The following TEC variants were observed in gnomAD, a reference collection of about 807,000 sequenced individuals.
TEC encodes the protein tec protein tyrosine kinase.
TEC carries 72 observed loss-of-function variants against 93.0 expected under a neutral mutation model. The observed-to-expected ratio is 0.77, with a 90% confidence interval of 0.64 to 0.94. The LOEUF (loss-of-function observed/expected upper bound fraction) is 0.94. TEC is among the 40% of genes least tolerant of loss of function. The probability of loss-of-function intolerance (pLI) is 0.00; values close to 1 mark genes in which losing one functional copy is unlikely to be tolerated. For missense variants in TEC, 630 were observed against 757.9 expected, an observed-to-expected ratio of 0.83 and a Z score of 1.98; for synonymous variants, 249 against 247.7, an observed-to-expected ratio of 1.01 and a Z score of -0.05.
At chr4:48,216,553 T>C (rs890634369) in intron 2 of TEC, among the ~76,000 whole-genome samples, 7 of 151,996 alleles carry the variant, frequency 4.6e-5, no homozygotes, top group African/African-American at 1.7e-4. Flanking sequence ...ATTAAGACAA[T>C]TTTTTTTCAA....
intron 1 of TEC, among the ~76,000 whole-genome samples, chr4:48,266,793 G>A (rs1054401909): frequency 1.3e-5 from 2 of 151,448 alleles, no homozygotes; most frequent in Admixed American, 6.6e-5. Flanking sequence ...AGCCAAGATC[G>A]TGCCATTGCA....
rs553849037 is a variant in TEC at position 48,237,181 on chromosome 4, G to A, written c.-45-8522C>T. Among the ~76,000 whole-genome samples the A allele has an allele frequency of 8.5e-5, 13 of 152,078 alleles. No homozygotes were observed. The South Asian group carries it at 1.2e-3, about 15-fold the overall frequency. ...CCCTATCTCTACTGAAAATACAGTC[G>A]TGTTGGCATGCACCTATAGTCCCAG... On this transcript the variant is annotated intron_variant, in intron 1 of 17. Coordinates refer to ENST00000381501, the MANE Select transcript of TEC (RefSeq NM_003215.3).
At chr4:48,201,987 C>T (rs1209741129) in intron 2 of TEC, among the ~76,000 whole-genome samples, 3 of 131,312 alleles carry the variant, frequency 2.3e-5, no homozygotes, top group South Asian at 2.5e-4. Flanking sequence ...GACAGAGTCT[C>T]GCTCTGTCGC....
At chr4:48,173,716 C>T (rs1721208381) in intron 3 of TEC, among the ~76,000 whole-genome samples, 1 of 152,210 alleles carries the variant, frequency 6.6e-6, no homozygotes, top group Admixed American at 6.5e-5. Flanking sequence ...TCATTTATTC[C>T]ATAGACTTAA....
At chr4:48,147,079 T>C (rs1447120612) in intron 11 of TEC, among the ~76,000 whole-genome samples, 2 of 152,124 alleles carry the variant, frequency 1.3e-5, no homozygotes, top group Admixed American at 1.3e-4. Flanking sequence ...AGTAGGCACT[T>C]GATATATGTT....
At chr4:48,224,741 TTCTCGTTA>T (rs1235345732) in intron 2 of TEC, among the ~76,000 whole-genome samples, 1 of 152,212 alleles carries the variant, frequency 6.6e-6, no homozygotes, top group African/African-American at 2.4e-5. Context: ...TTGAGTGAAT[TTCTCGTTA>T]TCTAGAATAG....
intron 5 of TEC, among the ~76,000 whole-genome samples, chr4:48,169,332 C>T (rs775117319): frequency 5.3e-5 from 8 of 151,942 alleles, no homozygotes; most frequent in Admixed American, 2.6e-4. Flanking sequence ...TCCCTTTTTA[C>T]AGCAGGTCAG....
chr4:48,260,365 C>T (rs547530734), intron 1 of TEC, among the ~76,000 whole-genome samples: 1 of 152,290 alleles, frequency 6.6e-6, no homozygotes, highest in Admixed American at 6.5e-5. Flanking sequence ...GGGAGAATCA[C>T]TTGAGGCCAG....
chr4:48,205,253 G>A (rs1722665062), intron 2 of TEC, among the ~76,000 whole-genome samples: 1 of 152,180 alleles, frequency 6.6e-6, no homozygotes. Flanking sequence ...CATAATAGCA[G>A]GCAGCCTCAG....
chr4:48,258,307 A>G (rs1345118593), intron 1 of TEC, among the ~76,000 whole-genome samples: 1 of 151,916 alleles, frequency 6.6e-6, no homozygotes, highest in African/African-American at 2.4e-5. Flanking sequence ...ACACCTGGCT[A>G]ATTTTTGTAT....
At chr4:48,253,198 C>A (rs10006371) in intron 1 of TEC, among the ~76,000 whole-genome samples, 137,856 of 152,222 alleles carry the variant, frequency 0.91, 64,038 homozygotes, top group East Asian at 1. Context: ...TTTTATTCAT[C>A]AGGCAGTAAA....
intron 1 of TEC, among the ~76,000 whole-genome samples, chr4:48,263,834 G>C: frequency 6.6e-6 from 1 of 152,178 alleles, no homozygotes; most frequent in East Asian, 1.9e-4. Context: ...TGTACACTTA[G>C]AGTTGTATAT....
At chr4:48,266,780 G>A (rs573534271) in intron 1 of TEC, among the ~76,000 whole-genome samples, 59 of 151,872 alleles carry the variant, frequency 3.9e-4, no homozygotes, top group Non-Finnish European at 7.9e-4. Flanking sequence ...AGAGGTTGTG[G>A]TGAGCCAAGA....
At chr4:48,252,331 A>G (rs1057110100) in intron 1 of TEC, among the ~76,000 whole-genome samples, 7 of 152,194 alleles carry the variant, frequency 4.6e-5, no homozygotes, top group Non-Finnish European at 8.8e-5. Context: ...CAATCCTGCT[A>G]TTGTTGATTA....
Position 48,138,770 on chromosome 4 carries a change from G to A in TEC, c.1707C>T (p.Tyr569=). 3 of 1,614,110 alleles carry A rather than the reference G, an allele frequency of 1.9e-6. No individual in the cohort carries two copies. Among genetic ancestry groups the A allele is most frequent in the Middle Eastern group, 1.7e-4 (1 of 6,060 alleles). Residue 569 remains tyrosine, a synonymous_variant, in exon 17 of 18, where the codon TAC becomes TAT. Coordinates refer to ENST00000381501, the MANE Select transcript of TEC (RefSeq NM_003215.3). ...FTEGRMPFEK[Y]TNYEVVTMVT... is the part of the protein sequence containing the mutation. ...CCATGGTTACCACTTCATAATTGGTGTATTTTTCAAAAGGCATTCTGCCTT... is the reference window on the plus strand; with the variant it reads ...CCATGGTTACCACTTCATAATTGGTATATTTTTCAAAAGGCATTCTGCCTT...
chr4:48,178,045 C>A (rs1254517674), intron 2 of TEC, among the ~76,000 whole-genome samples: 1 of 152,134 alleles, frequency 6.6e-6, no homozygotes, highest in South Asian at 2.1e-4. Context: ...TGGACTAATA[C>A]AACAGTTTTG....
At chr4:48,190,409 A>G (rs1032164828) in intron 2 of TEC, among the ~76,000 whole-genome samples, 2 of 152,184 alleles carry the variant, frequency 1.3e-5, no homozygotes, top group African/African-American at 4.8e-5. Context: ...GTTCACTTGG[A>G]ATTTTACTGA....
chr4:48,163,254 T>C (rs1282466113), intron 8 of TEC, among the ~76,000 whole-genome samples: 1 of 152,146 alleles, frequency 6.6e-6, no homozygotes, highest in Non-Finnish European at 1.5e-5. Context: ...TATGAGGAAA[T>C]AAGCATGATT....
At chr4:48,181,129 G>A (rs946482202) in intron 2 of TEC, among the ~76,000 whole-genome samples, 3 of 152,174 alleles carry the variant, frequency 2.0e-5, no homozygotes, top group African/African-American at 7.2e-5. Context: ...ACAATCAGGT[G>A]CGAGGAGGCA....
Sources: gnomAD v4.1 joint callset for allele counts (sites outside exome capture counted in the v4.1 genomes callset) on GRCh38, gnomAD v4.1.1 for gene constraint, MANE v1.5 for transcripts, NCBI Gene and HGNC (gene_info 2026-07-23, HGNC 2026-07-21) for gene names.